MYO3B: variants seen among roughly 807,000 people sequenced by gnomAD.
MYO3B encodes the protein myosin IIIB.
Under a neutral mutation model 174.6 loss-of-function variants are expected in MYO3B, and 156 were observed. That is an observed-to-expected ratio of 0.89 (90% CI 0.78 to 1.02). The LOEUF is 1.02. MYO3B is among the 50% of genes least tolerant of loss of function. The pLI, the probability that MYO3B is intolerant of heterozygous loss-of-function variation, is 0.00. For synonymous variants in MYO3B, 563 were observed against 569.1 expected (o/e 0.99, Z 0.15); for missense variants, 1,632 against 1,639.4 (o/e 1.00, Z 0.08).
chr2:170,235,080 G>T (rs1388326505), intron 6 of MYO3B, among the ~76,000 whole-genome samples: 1 of 152,150 alleles, frequency 6.6e-6, no homozygotes, highest in Non-Finnish European at 1.5e-5. Context: ...CTATTACTCT[G>T]GTCTTCCTGT....
intron 16 of MYO3B, among the ~76,000 whole-genome samples, chr2:170,395,569 G>C (rs1423590924): frequency 6.6e-6 from 1 of 152,044 alleles, no homozygotes; most frequent in African/African-American, 2.4e-5. Context: ...ATATGACTCG[G>C]GAGTCTTGAG....
intron 19 of MYO3B, among the ~76,000 whole-genome samples, chr2:170,403,251 A>G (rs1299031350): frequency 7.0e-6 from 1 of 141,900 alleles, no homozygotes; most frequent in African/African-American, 2.6e-5. Flanking sequence ...TTTCGTGCAT[A>G]TTGCTCAAAA....
At chr2:170,487,202 G>A (rs896447740) in intron 25 of MYO3B, among the ~76,000 whole-genome samples, 3 of 152,148 alleles carry the variant, frequency 2.0e-5, no homozygotes, top group African/African-American at 7.2e-5. Context: ...TTTCTCATAC[G>A]ACATGGCTTG....
intron 8 of MYO3B, among the ~76,000 whole-genome samples, chr2:170,336,582 C>T (rs2093948921): frequency 6.6e-6 from 1 of 152,068 alleles, no homozygotes; most frequent in African/African-American, 2.4e-5. Flanking sequence ...TAACATATGA[C>T]CTTAACTGTG....
In MYO3B at chr2:170,192,670, C is replaced by A. The variant is rs572725404; in HGVS notation, c.3-6538C>A. On this transcript the variant is annotated intron_variant, in intron 1 of 34. Coordinates refer to ENST00000408978, the MANE Select transcript of MYO3B (RefSeq NM_138995.5). ...AAAATTTCTTTTTAATTATAATTTG[C>A]TTGGTAAAACGTTTAATTCTATAAC... is the stretch of plus-strand genomic sequence containing the variant. Among the ~76,000 whole-genome samples, 35 of 151,058 alleles carry A rather than the reference C, an allele frequency of 2.3e-4. 1 individual carries two copies. Among genetic ancestry groups the A allele is most frequent in the African/African-American group, 7.7e-4 (32 of 41,404 alleles).
At chr2:170,591,721 T>C (rs1187905822) in intron 32 of MYO3B, among the ~76,000 whole-genome samples, 1 of 152,252 alleles carries the variant, frequency 6.6e-6, no homozygotes, top group Non-Finnish European at 1.5e-5. Flanking sequence ...GCCCAGAGCA[T>C]GTGATTGGCC....
chr2:170,307,242 C>CA (rs10718469), intron 7 of MYO3B, among the ~76,000 whole-genome samples: 19,151 of 57,614 alleles, frequency 0.33, 4,964 homozygotes, highest in Non-Finnish European at 0.44. Flanking sequence ...GGCCTTATCT[C>CA]AAAAAAAAAA....
chr2:170,595,890 G>T (rs1217814375), intron 32 of MYO3B, among the ~76,000 whole-genome samples: 4 of 152,126 alleles, frequency 2.6e-5, no homozygotes, highest in African/African-American at 7.2e-5. Context: ...GGCTTCTGTG[G>T]TTGCGGTTGC....
At chr2:170,543,161 C>G (rs1347111188) in intron 31 of MYO3B, among the ~76,000 whole-genome samples, 195 bp downstream of exon 31, 1 of 152,112 alleles carries the variant, frequency 6.6e-6, no homozygotes, top group Admixed American at 6.5e-5. Context: ...CAGGGAGGTA[C>G]AGGGGAGAGA....
At chr2:170,187,629 C>G (rs1010114375) in intron 1 of MYO3B, among the ~76,000 whole-genome samples, 23 of 152,170 alleles carry the variant, frequency 1.5e-4, no homozygotes, top group African/African-American at 5.3e-4. Context: ...CCTCTTAGCA[C>G]TGCTTTCACT....
At chr2:170,212,871 A>G (rs1229847477) in intron 3 of MYO3B, among the ~76,000 whole-genome samples, 2 of 152,194 alleles carry the variant, frequency 1.3e-5, no homozygotes, top group Admixed American at 6.5e-5. Flanking sequence ...TGCACAAAGC[A>G]TCTGATGTAA....
At chr2:170,461,671 G>A (rs561986464) in intron 23 of MYO3B, among the ~76,000 whole-genome samples, 10 of 152,040 alleles carry the variant, frequency 6.6e-5, no homozygotes, top group Non-Finnish European at 1.3e-4. Context: ...AGCTACTCGG[G>A]AGGCCGAGGC....
intron 7 of MYO3B, among the ~76,000 whole-genome samples, chr2:170,288,849 T>C (rs12615795): frequency 0.42 from 64,028 of 151,892 alleles, 16,201 homozygotes; most frequent in East Asian, 0.62. Context: ...TGTGGGTTTG[T>C]CATACATAGC....
chr2:170,442,279 G>A (rs555034301), intron 22 of MYO3B, among the ~76,000 whole-genome samples: 12 of 152,024 alleles, frequency 7.9e-5, no homozygotes, highest in Non-Finnish European at 1.2e-4. Context: ...TTGTGAACAC[G>A]TGTTATTGTC....
At chr2:170,532,221 A>G (rs376394510) in intron 30 of MYO3B, among the ~76,000 whole-genome samples, 4 of 152,222 alleles carry the variant, frequency 2.6e-5, no homozygotes, top group Non-Finnish European at 4.4e-5. Flanking sequence ...GTCCAAATAG[A>G]GGGAGCCTTT....
At chr2:170,330,350 C>T (rs900861874) in intron 7 of MYO3B, among the ~76,000 whole-genome samples, 5 of 152,126 alleles carry the variant, frequency 3.3e-5, no homozygotes, top group Non-Finnish European at 4.4e-5. Context: ...AAGTAATGGA[C>T]TCTTCACGAG....
chr2:170,402,973 A>C lies in MYO3B; in HGVS notation c.2255A>C (p.Gln752Pro). ...ANEQIQYYFNQHVFALEQMEY... is the reference protein window; with the variant it reads ...ANEQIQYYFNPHVFALEQMEY... ...GAGCAAATCCAGTACTATTTCAATC[A>C]GCATGTTTTTGCTCTTGAGCAGGTA... Residue 752 changes from glutamine to proline, a missense_variant, in exon 19 of 35, where the codon CAG (glutamine) becomes CCG (proline). Coordinates refer to ENST00000408978, the MANE Select transcript of MYO3B (RefSeq NM_138995.5). 6.2e-7 allele frequency: 1 copy of C among 1,603,130 alleles called. No individual in the cohort carries two copies. Among genetic ancestry groups the C allele is most frequent in the South Asian group, 1.1e-5 (1 of 90,018 alleles).
At chr2:170,517,989 TTGTGTGTGTG>T (rs10606302) in intron 29 of MYO3B, among the ~76,000 whole-genome samples, 2 of 149,394 alleles carry the variant, frequency 1.3e-5, no homozygotes, top group African/African-American at 2.5e-5. Flanking sequence ...GCCATAATGT[TTGTGTGTGTG>T]TGTGTGTGTG....
At chr2:170,543,032 G>A in intron 31 of MYO3B, 66 bp downstream of exon 31, 1 of 1,329,926 alleles carries the variant, frequency 7.5e-7, no homozygotes, top group Non-Finnish European at 1.1e-6. Context: ...AAGTTCATAG[G>A]CATGAAGCTT....
Sources: allele counts gnomAD v4.1 joint callset (sites outside exome capture counted in the v4.1 genomes callset), GRCh38; gene constraint gnomAD v4.1.1; transcripts MANE v1.5; gene names NCBI Gene and HGNC (gene_info 2026-07-23, HGNC 2026-07-21).